The following GARRE1 variants were observed in gnomAD, a reference collection of about 807,000 sequenced individuals.
GARRE1 encodes the protein granule associated Rac and RHOG effector 1, also known as granule associated Rac and RHOG effector protein 1.
A neutral mutation model predicts 103.2 loss-of-function variants in GARRE1; 49 were observed. The ratio of observed to expected loss-of-function variants is 0.47; its 90% CI spans 0.38 to 0.60. GARRE1 has a LOEUF of 0.60. Among genes scored for constraint, GARRE1 ranks in the 20% least tolerant of loss-of-function variants. The pLI is 0.00. For synonymous variants in GARRE1, 505 were observed against 532.8 expected (o/e 0.95, Z 0.72); for missense variants, 1,199 against 1,370.5 (o/e 0.87, Z 1.98).
intron 2 of GARRE1, among the ~76,000 whole-genome samples, chr19:34,315,948 C>T (rs941823703): frequency 6.6e-6 from 1 of 152,162 alleles, no homozygotes; most frequent in African/African-American, 2.4e-5. Flanking sequence ...AACAGGCTCT[C>T]ATTCAGTAGA....
chr19:34,343,419 A>G (rs2074196280), intron 10 of GARRE1, among the ~76,000 whole-genome samples: 1 of 152,118 alleles, frequency 6.6e-6, no homozygotes, highest in Non-Finnish European at 1.5e-5. Context: ...CCTGGCTGAC[A>G]GAGAGAAACC....
At chr19:34,344,871 C>T (rs1306066060) in intron 10 of GARRE1, among the ~76,000 whole-genome samples, 1 of 150,554 alleles carries the variant, frequency 6.6e-6, no homozygotes, top group Non-Finnish European at 1.5e-5. Flanking sequence ...GAGTCTCGCT[C>T]TACCGCCCCG....
In GARRE1 at chr19:34,293,750, C is replaced by CTTTT. The variant is rs71165643; in HGVS notation, c.-795-5906_-795-5903dup. Among the ~76,000 whole-genome samples the CTTTT allele has an allele frequency of 1.9e-4, 9 of 47,178 alleles. 1 individual carries two copies. The highest frequency in any genetic ancestry group is 2.7e-4 in the African/African-American group (3 of 11,038). The allele number at this position is 47,178 out of a possible 152,430, so 31.0% of individuals were successfully genotyped here. A position where few individuals can be genotyped will look rare whatever the true frequency, so the allele number is the denominator to read the frequency against. On this transcript the variant is annotated intron_variant, in intron 1 of 13. Coordinates refer to ENST00000299505, the MANE Select transcript of GARRE1 (RefSeq NM_014686.5). Reference sequence around the variant, plus strand: ...CACACACACACACACACACATATTTCTTTTTTTTTTTTTTTTTTTTTTTTT... The same window carrying CTTTT: ...CACACACACACACACACACATATTTCTTTTTTTTTTTTTTTTTTTTTTTTTTTTT...
At chr19:34,281,370 A>G (rs2145222520) in intron 1 of GARRE1, among the ~76,000 whole-genome samples, 1 of 152,298 alleles carries the variant, frequency 6.6e-6, no homozygotes, top group Non-Finnish European at 1.5e-5. Flanking sequence ...AGCTCACTGC[A>G]ACCTCTGCCT....
intron 1 of GARRE1, among the ~76,000 whole-genome samples, chr19:34,293,727 C>CACAG (rs1341580553): frequency 7.5e-6 from 1 of 133,998 alleles, no homozygotes; most frequent in Non-Finnish European, 1.5e-5. Context: ...CACACACACA[C>CACAG]ACACACACAC....
intron 11 of GARRE1, 93 bp downstream of exon 11, chr19:34,348,135 C>G: frequency 9.0e-7 from 1 of 1,111,014 alleles, no homozygotes. Context: ...TGTGTGCATT[C>G]TTTTCAGGCA....
At chr19:34,325,003 A>G (rs1310601429) in intron 3 of GARRE1, among the ~76,000 whole-genome samples, 1 of 152,202 alleles carries the variant, frequency 6.6e-6, no homozygotes, top group African/African-American at 2.4e-5. Context: ...TATCAAGGTC[A>G]TTGGTGCCTT....
chr19:34,264,905 A>G lies in GARRE1; in HGVS notation c.-796+10291A>G, dbSNP rs558267781. ...CCAGTGTTGCCAGTGAGTGTTCTTG[A>G]CGCAGGCCTCTACATTAACCGTGAG... On this transcript the variant is annotated intron_variant, in intron 1 of 13. Transcript: ENST00000299505. 2.0e-5 allele frequency among the ~76,000 whole-genome samples: 3 copies of G among 152,274 alleles called. No individual in the cohort carries two copies. The East Asian group carries it at 5.8e-4, about 29-fold the overall frequency.
intron 1 of GARRE1, among the ~76,000 whole-genome samples, chr19:34,287,318 G>GT (rs1215200147): frequency 6.6e-6 from 1 of 151,968 alleles, no homozygotes; most frequent in African/African-American, 2.4e-5. Flanking sequence ...CTGCTACTAG[G>GT]TTTTTTTGTT....
chr19:34,259,468 AG>A (rs2145949244), intron 1 of GARRE1, among the ~76,000 whole-genome samples: 1 of 152,308 alleles, frequency 6.6e-6, no homozygotes, highest in South Asian at 2.1e-4. Flanking sequence ...CTTTACTGGA[AG>A]ATCAGAATAC....
chr19:34,328,210 G>A (rs910330707), intron 6 of GARRE1, 59 bp downstream of exon 6: 3 of 1,567,900 alleles, frequency 1.9e-6, no homozygotes, highest in Middle Eastern at 2.1e-4. Flanking sequence ...GTTCTTAAGA[G>A]AAATGTAAAG....
At position 34,330,169 on chromosome 19, in the gene GARRE1, C is replaced by G. The variant is rs775258662; in HGVS notation, c.1105-20C>G. 1.1e-5 allele frequency: 18 copies of G among 1,608,808 alleles called. No individual in the cohort carries two copies. The highest frequency in any genetic ancestry group is 1.1e-4 in the East Asian group (5 of 44,802). On this transcript the variant is annotated intron_variant, in intron 6 of 13. Transcript: ENST00000299505. ...ATGGCTTTGTCTTGAGGTGTGAACT[C>G]TCTTCTTATCAATCTATAGCATACA...
In GARRE1 at chr19:34,348,002, GCGC is replaced by G. The variant is rs2074220195; in HGVS notation, c.2648_2650del (p.Ala883_His884delinsAsp). The G allele has an allele frequency of 6.4e-7, 1 of 1,561,752 alleles. No homozygotes were observed. Among genetic ancestry groups the G allele is most frequent in the South Asian group, 1.2e-5 (1 of 84,760 alleles). On this transcript the variant is annotated inframe_deletion, in exon 11 of 14. Transcript: ENST00000299505. ...GGGCAACTGGCCGCCTATGGATGAC[GCGC>G]ATCGGACCTGGCCCTTCCCCGAGTT...
intron 1 of GARRE1, among the ~76,000 whole-genome samples, chr19:34,299,311 G>A (rs116589999): frequency 3.0e-4 from 46 of 152,274 alleles, no homozygotes; most frequent in African/African-American, 9.6e-4. Context: ...AGTGCTGTGT[G>A]TGTCAACAGC....
intron 1 of GARRE1, among the ~76,000 whole-genome samples, chr19:34,262,231 C>T (rs952602363): frequency 1.4e-5 from 2 of 147,774 alleles, no homozygotes; most frequent in Non-Finnish European, 3.0e-5. Context: ...GATCCGCCCA[C>T]CTTGGTCTCC....
intron 2 of GARRE1, among the ~76,000 whole-genome samples, chr19:34,317,140 ATTTCCTTGAGGAGCCT>A (rs2074063624): frequency 6.6e-6 from 1 of 152,152 alleles, no homozygotes; most frequent in African/African-American, 2.4e-5. Flanking sequence ...GCCCTCGGTC[ATTTCCTTGAGGAGCCT>A]TTTCCTTCCC....
chr19:34,257,221 C>G (rs1261563570), intron 1 of GARRE1, among the ~76,000 whole-genome samples: 1 of 150,264 alleles, frequency 6.7e-6, no homozygotes, highest in Admixed American at 6.6e-5. Context: ...AATGTTTGTT[C>G]TGTTGAAAAC....
At chr19:34,278,318 C>T (rs556170675) in intron 1 of GARRE1, among the ~76,000 whole-genome samples, 4 of 151,994 alleles carry the variant, frequency 2.6e-5, no homozygotes, top group South Asian at 4.2e-4. Context: ...GTGGCATAAG[C>T]CTGCAGTCCC....
At chr19:34,254,975 T>C (rs1410554346) in intron 1 of GARRE1, among the ~76,000 whole-genome samples, 1 of 150,918 alleles carries the variant, frequency 6.6e-6, no homozygotes, top group Non-Finnish European at 1.5e-5. Flanking sequence ...GCCCGGGAGG[T>C]CGCGCTGGCG....
Sources: gnomAD v4.1 joint callset for allele counts (sites outside exome capture counted in the v4.1 genomes callset) on GRCh38, gnomAD v4.1.1 for gene constraint, MANE v1.5 for transcripts, NCBI Gene and HGNC (gene_info 2026-07-23, HGNC 2026-07-21) for gene names.